The following CALCRL variants were observed in gnomAD, a reference collection of about 807,000 sequenced individuals.
The protein encoded by CALCRL is calcitonin gene-related peptide type 1 receptor.
CALCRL carries 27 observed loss-of-function variants against 60.4 expected under a neutral mutation model. That is an observed-to-expected ratio of 0.45 (90% CI 0.33 to 0.62). The LOEUF (loss-of-function observed/expected upper bound fraction) is 0.62, where lower values mean the gene tolerates loss of function less well. CALCRL is among the 20% of genes least tolerant of loss of function. CALCRL has a pLI of 0.03. For missense variants in CALCRL, 424 were observed against 540.7 expected, an observed-to-expected ratio of 0.78 and a Z score of 2.14; for synonymous variants, 190 against 182.6, an observed-to-expected ratio of 1.04 and a Z score of -0.33.
At chr2:187,360,571 T>G (rs1192749274) in intron 10 of CALCRL, 27 bp downstream of exon 10, 2 of 1,570,078 alleles carry the variant, frequency 1.3e-6, no homozygotes, top group Non-Finnish European at 8.6e-7. Flanking sequence ...ATCCACTGAA[T>G]CAACAAGTAT....
intron 1 of CALCRL, among the ~76,000 whole-genome samples, chr2:187,430,437 G>A (rs1382408576): frequency 2.6e-5 from 4 of 152,074 alleles, no homozygotes; most frequent in Admixed American, 1.3e-4. Flanking sequence ...ATTGTCAAAC[G>A]TTTGCAGTCT....
intron 8 of CALCRL, among the ~76,000 whole-genome samples, chr2:187,377,868 ATAAT>A (rs776732548): frequency 1.7e-4 from 26 of 152,128 alleles, no homozygotes; most frequent in Admixed American, 5.9e-4. Context: ...TTTAAATACT[ATAAT>A]TAAAACTGTA....
At position 187,346,078 on chromosome 2, in the gene CALCRL, C is replaced by T; in HGVS notation, c.*106G>A. ...TTCATGTGAAGGCTCTTCTTTATGA[C>T]ATTCAAAAAGTCATTTAATATTGAA... On this transcript the variant is annotated 3_prime_UTR_variant, in exon 15 of 15. Transcript: ENST00000392370. The T allele has an allele frequency of 1.5e-6, 1 of 659,004 alleles. No homozygotes were observed. The highest frequency in any genetic ancestry group is 2.6e-6 in the Non-Finnish European group (1 of 382,292). The allele number at this position is 659,004 out of a possible 1,614,324, so 40.8% of individuals were successfully genotyped here. A position where few individuals can be genotyped will look rare whatever the true frequency, so the allele number is the denominator to read the frequency against.
At chr2:187,443,184 T>C (rs1417467465) in intron 1 of CALCRL, among the ~76,000 whole-genome samples, 1 of 151,840 alleles carries the variant, frequency 6.6e-6, no homozygotes, top group East Asian at 1.9e-4. Context: ...TAATTATAAA[T>C]CACACTTGTT....
chr2:187,424,082 T>C lies in CALCRL; in HGVS notation c.-293+23957A>G, dbSNP rs1162502484. ...TATTTGATGCCATATAGACAAAACA[T>C]TTGGAAGGAGTTTCAAATTCCCATC... is the stretch of plus-strand genomic sequence containing the variant. On this transcript the variant is annotated intron_variant, in intron 1 of 14. Coordinates refer to ENST00000392370, the MANE Select transcript of CALCRL (RefSeq NM_005795.6). Among the ~76,000 whole-genome samples, 3 of 151,998 alleles carry C rather than the reference T, an allele frequency of 2.0e-5. No individual in the cohort carries two copies. In the East Asian group the frequency reaches 5.8e-4, roughly 29 times the overall value.
chr2:187,353,564 C>G (rs1686629498), intron 12 of CALCRL, among the ~76,000 whole-genome samples: 1 of 151,896 alleles, frequency 6.6e-6, no homozygotes. Context: ...CAAAAATATA[C>G]AGCTCACTAA....
At chr2:187,352,419 T>G in intron 12 of CALCRL, 87 bp from the exon 13 acceptor site, 1 of 735,896 alleles carries the variant, frequency 1.4e-6, no homozygotes, top group East Asian at 2.7e-5. Context: ...TTTATAAATC[T>G]TAAAATATTT....
rs1364554910 is a variant in CALCRL at position 187,385,575 on chromosome 2, C to T, written c.21G>A (p.Leu7=). Residue 7 remains leucine, a synonymous_variant, in exon 4 of 15, where the codon CTG becomes CTA. Transcript: ENST00000392370. ...AAAAAGGCAAGAGAACCAGAAAATA[C>T]AGGGTACACTTTTTCTCCATCATTA... MEKKCT[L]YFLVLLPFFM... is the part of the protein sequence containing the mutation. 1.3e-6 allele frequency: 2 copies of T among 1,562,718 alleles called. No individual in the cohort carries two copies. The highest frequency in any genetic ancestry group is 2.3e-5 in the South Asian group (2 of 87,364).
At chr2:187,369,934 C>CA (rs1318845096) in intron 8 of CALCRL, among the ~76,000 whole-genome samples, 2 of 152,184 alleles carry the variant, frequency 1.3e-5, no homozygotes, top group Non-Finnish European at 2.9e-5. Flanking sequence ...GGCCATGTGA[C>CA]AGAGTACAAG....
chr2:187,368,898 T>C (rs1188653162), intron 8 of CALCRL, among the ~76,000 whole-genome samples: 1 of 152,146 alleles, frequency 6.6e-6, no homozygotes, highest in Non-Finnish European at 1.5e-5. Context: ...GAATCAGTAG[T>C]GTGACTATCT....
intron 1 of CALCRL, among the ~76,000 whole-genome samples, chr2:187,428,003 G>A (rs1242142214): frequency 1.3e-5 from 2 of 152,036 alleles, no homozygotes; most frequent in Non-Finnish European, 2.9e-5. Context: ...ATTTTTTACA[G>A]AGATCAACAC....
intron 1 of CALCRL, among the ~76,000 whole-genome samples, chr2:187,390,794 G>A (rs541663211): frequency 2.6e-4 from 40 of 152,226 alleles, no homozygotes; most frequent in Middle Eastern, 3.4e-3. Flanking sequence ...CAAGGGGGCA[G>A]GTGTATGGCC....
In CALCRL at chr2:187,346,275, T is replaced by C. The variant is rs1423146475; in HGVS notation, c.1295A>G (p.Tyr432Cys). 1.2e-6 allele frequency: 2 copies of C among 1,612,238 alleles called. No homozygotes were observed. Among genetic ancestry groups the C allele is most frequent in the East Asian group, 4.5e-5 (2 of 44,838 alleles). Residue 432 changes from tyrosine to cysteine, a missense_variant, in exon 15 of 15, where the codon TAT becomes TGT. Around this residue, in one of 7 missense-constraint regions of CALCRL, gnomAD observed 222 missense variants for 265.6 expected, o/e 0.84. Coordinates refer to ENST00000392370, the MANE Select transcript of CALCRL (RefSeq NM_005795.6). ...GTGTTCACTAGGACAGTCATGACTA[T>C]AACCTGGACCATCACTGATTGTTGA... ...TVSTISDGPG[Y>C]SHDCPSEHLN... is the part of the protein sequence containing the mutation.
intron 1 of CALCRL, chr2:187,442,055 G>T (rs1312503043): frequency 1.4e-5 from 2 of 143,078 alleles, no homozygotes; most frequent in Non-Finnish European, 1.5e-5. Context: ...AAGTATCTGA[G>T]GTGGCTTAAA....
At chr2:187,363,341 C>T (rs370694684) in intron 9 of CALCRL, 35 bp downstream of exon 9, 4 of 1,594,054 alleles carry the variant, frequency 2.5e-6, no homozygotes, top group African/African-American at 2.7e-5. Flanking sequence ...TCCCATTAGG[C>T]CCTTGAACCA....
chr2:187,378,564 A>G (rs1214512462), intron 8 of CALCRL, among the ~76,000 whole-genome samples: 1 of 152,130 alleles, frequency 6.6e-6, no homozygotes, highest in Non-Finnish European at 1.5e-5. Flanking sequence ...TATTTGCACA[A>G]AATTCCGGTT....
intron 1 of CALCRL, chr2:187,431,382 A>T (rs1391137223): frequency 1.3e-5 from 2 of 154,990 alleles, no homozygotes; most frequent in Non-Finnish European, 2.9e-5. Context: ...ACAAGAGAAC[A>T]TTCCTGTGAA....
chr2:187,355,861 CA>C (rs1686755934), intron 12 of CALCRL, among the ~76,000 whole-genome samples: 1 of 151,904 alleles, frequency 6.6e-6, no homozygotes, highest in Non-Finnish European at 1.5e-5. Flanking sequence ...CAATAATAGA[CA>C]AACAGAGAGC....
chr2:187,397,161 A>C (rs539385903), intron 1 of CALCRL, among the ~76,000 whole-genome samples: 1 of 151,874 alleles, frequency 6.6e-6, no homozygotes, highest in South Asian at 2.1e-4. Flanking sequence ...TGTAAATATA[A>C]GTAAGCTTAT....
Sources: allele counts gnomAD v4.1 joint callset (sites outside exome capture counted in the v4.1 genomes callset), GRCh38; gene constraint gnomAD v4.1.1; regional missense constraint gnomAD v4.1.1; transcripts MANE v1.5; gene names NCBI Gene and HGNC (gene_info 2026-07-23, HGNC 2026-07-21).